The following CNIH3 variants were observed in gnomAD, a reference collection of about 807,000 sequenced individuals.
CNIH3 encodes the protein cornichon family AMPA receptor auxiliary protein 3, also known as protein cornichon homolog 3.
Under a neutral mutation model 24.1 loss-of-function variants are expected in CNIH3, and 14 were observed. The ratio of observed to expected loss-of-function variants is 0.58; its 90% CI spans 0.38 to 0.91. CNIH3 has a LOEUF of 0.91. CNIH3 is among the 40% of genes least tolerant of loss of function. CNIH3 has a pLI of 0.00. For synonymous variants in CNIH3, 68 were observed against 73.8 expected (o/e 0.92, Z 0.40); for missense variants, 178 against 196.8 (o/e 0.90, Z 0.57).
In CNIH3 at chr1:224,684,906, A is replaced by C; in HGVS notation, c.198+63A>C. ...CATGGTGGTGGGTGGGCACACAGTGAAAGAGGCTAGTGAGGCTCTGCCTGC... is the reference window on the plus strand; with the variant it reads ...CATGGTGGTGGGTGGGCACACAGTGCAAGAGGCTAGTGAGGCTCTGCCTGC... On this transcript the variant is annotated intron_variant, in intron 3 of 5. Coordinates refer to ENST00000272133, the MANE Select transcript of CNIH3 (RefSeq NM_152495.2). This position sits in a 1 kb window ranked among gnomAD's most constrained non-coding sequence, Gnocchi z 4.2. 1 of 1,497,982 alleles carries C rather than the reference A, an allele frequency of 6.7e-7. No homozygotes were observed. Among genetic ancestry groups the C allele is most frequent in the South Asian group, 1.1e-5 (1 of 88,788 alleles). The allele number at this position is 1,497,982 out of a possible 1,614,324, so 92.8% of individuals were successfully genotyped here.
At chr1:224,735,041 C>G (rs148044152) in intron 5 of CNIH3, among the ~76,000 whole-genome samples, 438 of 152,264 alleles carry the variant, frequency 2.9e-3, no homozygotes, top group Non-Finnish European at 5.4e-3. Context: ...CCTCTCACGA[C>G]TTTGCAGCTC....
chr1:224,687,922 T>C (rs1686739962), intron 3 of CNIH3, among the ~76,000 whole-genome samples: 1 of 152,234 alleles, frequency 6.6e-6, no homozygotes, highest in Non-Finnish European at 1.5e-5. Context: ...CATAAGGATG[T>C]AGAAACTTCA....
chr1:224,442,492 C>T (rs1674962930), intron 1 of CNIH3, among the ~76,000 whole-genome samples: 1 of 152,210 alleles, frequency 6.6e-6, no homozygotes, highest in African/African-American at 2.4e-5. Flanking sequence ...GCCAGAGTGT[C>T]AACAACACTG....
At chr1:224,653,680 T>C (rs1227130476) in intron 1 of CNIH3, among the ~76,000 whole-genome samples, 1 of 152,248 alleles carries the variant, frequency 6.6e-6, no homozygotes, top group Non-Finnish European at 1.5e-5. Flanking sequence ...ACAAACTCAA[T>C]ATAAATTCTC....
rs149095153 is a variant in CNIH3, at chr1:224,624,892, C to G, written c.81+7637C>G. Among the ~76,000 whole-genome samples the G allele has an allele frequency of 2.3e-4, 35 of 152,298 alleles. No individual in the cohort carries two copies. The East Asian group carries it at 6.4e-3, about 28-fold the overall frequency. On this transcript the variant is annotated intron_variant, in intron 1 of 5. Coordinates refer to ENST00000272133, the MANE Select transcript of CNIH3 (RefSeq NM_152495.2). ...TTCCCAAATGGGCTGTTCTGTCTCC[C>G]TGGAATGCTGTTCCCCACTTCATTC...
intron 2 of CNIH3, among the ~76,000 whole-genome samples, chr1:224,527,487 T>A (rs1678890830): frequency 6.6e-6 from 1 of 152,216 alleles, no homozygotes; most frequent in Non-Finnish European, 1.5e-5. Context: ...AGGCAGCAGA[T>A]CCTAAAACAG....
chr1:224,580,405 C>CATAAGCCACCGTAGGA (rs1681221923), intron 4 of CNIH3, among the ~76,000 whole-genome samples: 1 of 152,184 alleles, frequency 6.6e-6, no homozygotes, highest in South Asian at 2.1e-4. Flanking sequence ...GAAAAGGAGA[C>CATAAGCCACCGTAGGA]ATAAGCCACC....
In CNIH3 at chr1:224,643,728, C is replaced by T. The variant is rs537931204; in HGVS notation, c.81+26473C>T. ...AGTGGGGAACAGGGACTCAGCAGAA[C>T]GAGAGTCCTTCTAGTATAGGCTTCC... On this transcript the variant is annotated intron_variant, in intron 1 of 5. Coordinates refer to ENST00000272133, the MANE Select transcript of CNIH3 (RefSeq NM_152495.2). Among the ~76,000 whole-genome samples, 21 of 152,308 alleles carry T rather than the reference C, an allele frequency of 1.4e-4. No homozygotes were observed. The East Asian group carries it at 2.9e-3, about 21-fold the overall frequency.
intron 4 of CNIH3, among the ~76,000 whole-genome samples, chr1:224,581,836 A>G (rs753548622): frequency 6.6e-6 from 1 of 152,200 alleles, no homozygotes; most frequent in African/African-American, 2.4e-5. Flanking sequence ...ATAAACCTAG[A>G]CTTTGAGAGA....
chr1:224,567,682 T>A (rs1680635930), intron 4 of CNIH3, among the ~76,000 whole-genome samples: 1 of 152,208 alleles, frequency 6.6e-6, no homozygotes, highest in East Asian at 1.9e-4. Context: ...TCTATTTTTA[T>A]TTCTTCCAGC....
At chr1:224,449,685 C>T (rs1224385743) in intron 1 of CNIH3, among the ~76,000 whole-genome samples, 2 of 152,102 alleles carry the variant, frequency 1.3e-5, no homozygotes, top group African/African-American at 2.4e-5. Context: ...AAGCATGAAA[C>T]CATTATGTCA....
chr1:224,479,032 A>G (rs1435622821), intron 1 of CNIH3, among the ~76,000 whole-genome samples: 1 of 151,460 alleles, frequency 6.6e-6, no homozygotes, highest in Non-Finnish European at 1.5e-5. Context: ...ATTCAAGCTG[A>G]GATTTTGGTG....
intron 1 of CNIH3, among the ~76,000 whole-genome samples, chr1:224,668,154 G>A (rs542016781): frequency 5.3e-5 from 8 of 152,322 alleles, no homozygotes; most frequent in Middle Eastern, 3.4e-3. Context: ...AGTTATATAT[G>A]TAAGAGAGGG....
At chr1:224,707,394 G>A (rs1687879721) in intron 3 of CNIH3, among the ~76,000 whole-genome samples, 1 of 152,008 alleles carries the variant, frequency 6.6e-6, no homozygotes, top group Admixed American at 6.6e-5. Context: ...CTCAAATAAC[G>A]AATTCTGTAC....
At chr1:224,693,652 C>G (rs1687034522) in intron 3 of CNIH3, among the ~76,000 whole-genome samples, 1 of 152,208 alleles carries the variant, frequency 6.6e-6, no homozygotes, top group Admixed American at 6.5e-5. Flanking sequence ...AGCACCTTTT[C>G]AAGCTTTGGT....
At chr1:224,470,094 C>T (rs542943691) in intron 1 of CNIH3, among the ~76,000 whole-genome samples, 2 of 151,812 alleles carry the variant, frequency 1.3e-5, no homozygotes, top group African/African-American at 4.8e-5. Context: ...TCTCGGCTCA[C>T]TGCAAGCTCT....
chr1:224,511,152 A>G (rs911814183), upstream of CNIH3, among the ~76,000 whole-genome samples: 1 of 152,218 alleles, frequency 6.6e-6, no homozygotes, highest in African/African-American at 2.4e-5. Flanking sequence ...GGCAGATGCT[A>G]TAGGTTTCTT....
chr1:224,460,949 G>C (rs1053131376), intron 1 of CNIH3, among the ~76,000 whole-genome samples: 1 of 149,354 alleles, frequency 6.7e-6, no homozygotes, highest in African/African-American at 2.5e-5. Flanking sequence ...CCAGCCAGTT[G>C]TTTTTATTAT....
intron 5 of CNIH3, among the ~76,000 whole-genome samples, chr1:224,584,618 A>C (rs138782423): frequency 2.1e-3 from 325 of 152,328 alleles, no homozygotes; most frequent in Middle Eastern, 0.01. Flanking sequence ...GCAAAACTTG[A>C]ATTTGATGCA....
Sources: gnomAD v4.1 joint callset for allele counts (sites outside exome capture counted in the v4.1 genomes callset) on GRCh38, gnomAD v4.1.1 for gene constraint, Gnocchi (gnomAD v3.1) non-coding constraint, MANE v1.5 for transcripts, NCBI Gene and HGNC (gene_info 2026-07-23, HGNC 2026-07-21) for gene names.